The following GMDS variants were observed in gnomAD, a reference collection of about 807,000 sequenced individuals.
GMDS encodes the protein GDP-mannose 4,6-dehydratase, also known as GDP-mannose 4,6 dehydratase.
GMDS carries 20 observed loss-of-function variants against 49.9 expected under a neutral mutation model. The ratio of observed to expected loss-of-function variants is 0.40; its 90% CI spans 0.28 to 0.58. The LOEUF (loss-of-function observed/expected upper bound fraction) is 0.58. Ranked by LOEUF, GMDS falls within the 20% of genes least tolerant of loss-of-function variation. The probability of loss-of-function intolerance (pLI) is 0.42; values close to 1 mark genes in which losing one functional copy is unlikely to be tolerated. For missense variants in GMDS, 362 were observed against 481.4 expected (o/e 0.75, Z 2.32); for synonymous variants, 177 against 178.6 (o/e 0.99, Z 0.07).
In GMDS at chr6:2,148,350, A is replaced by C. The variant is rs150356064; in HGVS notation, c.103-23619T>G. On this transcript the variant is annotated intron_variant, in intron 1 of 10. Transcript: ENST00000380815. Reference sequence around the variant, plus strand: ...GTCGTAAGCCGGGCAGCAAAGTATAAATATGAGACTTACAAGCATTCTCTG... The same window carrying C: ...GTCGTAAGCCGGGCAGCAAAGTATACATATGAGACTTACAAGCATTCTCTG... 5.3e-5 allele frequency among the ~76,000 whole-genome samples: 8 copies of C among 152,312 alleles called. No individual in the cohort carries two copies. The East Asian group carries it at 1.5e-3, about 29-fold the overall frequency.
chr6:2,056,772 A>AT (rs897339523), intron 4 of GMDS, among the ~76,000 whole-genome samples: 4 of 152,018 alleles, frequency 2.6e-5, no homozygotes, highest in African/African-American at 7.2e-5. Flanking sequence ...TTTTAGAATA[A>AT]TTTTTTTTCC....
chr6:1,928,279 C>T (rs1001366621), intron 7 of GMDS, among the ~76,000 whole-genome samples: 2 of 151,634 alleles, frequency 1.3e-5, no homozygotes, highest in East Asian at 1.9e-4. Flanking sequence ...GCAGGAGAAT[C>T]GCTTGAACCC....
intron 7 of GMDS, among the ~76,000 whole-genome samples, chr6:1,764,166 C>T (rs565758824): frequency 6.6e-5 from 10 of 152,204 alleles, no homozygotes; most frequent in African/African-American, 2.2e-4. Context: ...CTGAGAAGGC[C>T]TTTCTGTGAT....
chr6:1,814,222 T>C (rs1235795362), intron 7 of GMDS, among the ~76,000 whole-genome samples: 1 of 152,158 alleles, frequency 6.6e-6, no homozygotes, highest in East Asian at 1.9e-4. Context: ...AGGCTTTCAT[T>C]CTCCTTAGCT....
chr6:2,216,496 C>T (rs150358800), intron 1 of GMDS, among the ~76,000 whole-genome samples: 20 of 152,272 alleles, frequency 1.3e-4, no homozygotes, highest in Admixed American at 7.8e-4. Flanking sequence ...CAGGTGTAAG[C>T]GTGTGTGAGC....
chr6:1,835,161 G>C (rs1756866548), intron 7 of GMDS, among the ~76,000 whole-genome samples: 1 of 152,128 alleles, frequency 6.6e-6, no homozygotes, highest in African/African-American at 2.4e-5. Flanking sequence ...TGTTGCGTAA[G>C]GGGGGGTCTG....
At chr6:1,741,743 TG>T (rs1767276684) in intron 8 of GMDS, among the ~76,000 whole-genome samples, 1 of 120,322 alleles carries the variant, frequency 8.3e-6, no homozygotes, top group Admixed American at 1.2e-4. Flanking sequence ...ACCTGGGAGG[TG>T]GAGGTTGCAG....
At chr6:1,693,377 G>A (rs534977462) in intron 9 of GMDS, among the ~76,000 whole-genome samples, 3 of 152,252 alleles carry the variant, frequency 2.0e-5, no homozygotes, top group South Asian at 2.1e-4. Flanking sequence ...TTACCAGTCC[G>A]GCTGCCCTGA....
At chr6:1,740,493 G>C (rs1767226662) in intron 8 of GMDS, among the ~76,000 whole-genome samples, 1 of 151,506 alleles carries the variant, frequency 6.6e-6, no homozygotes, top group Non-Finnish European at 1.5e-5. Context: ...GAAGGCGGAG[G>C]TTGTAGTGAG....
intron 7 of GMDS, among the ~76,000 whole-genome samples, chr6:1,792,645 T>C (rs967519449): frequency 4.6e-5 from 7 of 152,188 alleles, no homozygotes; most frequent in African/African-American, 1.7e-4. Flanking sequence ...GATAATTACA[T>C]TAAAAATGAT....
At chr6:2,202,057 G>A (rs1381055227) in intron 1 of GMDS, among the ~76,000 whole-genome samples, 1 of 144,972 alleles carries the variant, frequency 6.9e-6, no homozygotes, top group African/African-American at 2.6e-5. Context: ...AGGGCAGCGC[G>A]TTAGCAGAGA....
At chr6:1,736,351 G>A (rs1467673065) in intron 8 of GMDS, among the ~76,000 whole-genome samples, 1 of 152,142 alleles carries the variant, frequency 6.6e-6, no homozygotes, top group African/African-American at 2.4e-5. Flanking sequence ...AAGAAAGCGA[G>A]AAGAAAAAGA....
intron 4 of GMDS, among the ~76,000 whole-genome samples, chr6:2,020,038 T>C (rs558813180): frequency 2.4e-4 from 36 of 152,314 alleles, no homozygotes; most frequent in Admixed American, 1.6e-3. Flanking sequence ...ATTAGTATAT[T>C]GTTTTCTTGT....
chr6:1,896,268 A>G (rs1385534311), intron 7 of GMDS, among the ~76,000 whole-genome samples: 1 of 152,206 alleles, frequency 6.6e-6, no homozygotes, highest in Non-Finnish European at 1.5e-5. Context: ...CTGTCGCCAG[A>G]CATTGGAAAC....
intron 7 of GMDS, among the ~76,000 whole-genome samples, chr6:1,859,167 T>C (rs1353668401): frequency 6.6e-6 from 1 of 152,172 alleles, no homozygotes; most frequent in Non-Finnish European, 1.5e-5. Flanking sequence ...GATGCAGCAC[T>C]TACCCAGGAG....
At chr6:1,859,082 G>A (rs1758069159) in intron 7 of GMDS, among the ~76,000 whole-genome samples, 1 of 152,182 alleles carries the variant, frequency 6.6e-6, no homozygotes, top group Non-Finnish European at 1.5e-5. Flanking sequence ...GACCTGCACA[G>A]AGATGGTGCT....
intron 7 of GMDS, among the ~76,000 whole-genome samples, chr6:1,842,325 A>G (rs1004980459): frequency 6.6e-6 from 1 of 152,204 alleles, no homozygotes; most frequent in African/African-American, 2.4e-5. Flanking sequence ...TGCATCAGGG[A>G]GGCTGCCCAC....
intron 10 of GMDS, 69 bp downstream of exon 10, chr6:1,624,403 A>G: frequency 6.9e-7 from 1 of 1,442,590 alleles, no homozygotes; most frequent in Non-Finnish European, 9.7e-7. Context: ...CAGGCGCCCG[A>G]CCCTGAGAGC....
intron 7 of GMDS, among the ~76,000 whole-genome samples, chr6:1,927,719 C>T (rs1762093054): frequency 6.6e-6 from 1 of 152,178 alleles, no homozygotes; most frequent in Admixed American, 6.5e-5. Flanking sequence ...GAGATGACAG[C>T]AGCGTCCTTC....
Sources: allele counts gnomAD v4.1 joint callset (sites outside exome capture counted in the v4.1 genomes callset), GRCh38; gene constraint gnomAD v4.1.1; transcripts MANE v1.5; gene names NCBI Gene and HGNC (gene_info 2026-07-23, HGNC 2026-07-21).